OTOGL: variants seen among roughly 807,000 people sequenced by gnomAD.
OTOGL encodes the protein otogelin like.
In OTOGL, 285 loss-of-function variants were observed where a neutral mutation model predicts 318.5. The ratio of observed to expected loss-of-function variants is 0.89; its 90% CI spans 0.81 to 0.99. The LOEUF (loss-of-function observed/expected upper bound fraction) is 0.99. Among genes scored for constraint, OTOGL ranks in the 50% least tolerant of loss-of-function variants. OTOGL has a pLI of 0.00. For missense variants in OTOGL, 2,899 were observed against 2,845.6 expected (o/e 1.02, Z -0.43); for synonymous variants, 987 against 936.5 (o/e 1.05, Z -0.99).
intron 1 of OTOGL, among the ~76,000 whole-genome samples, chr12:80,192,245 T>C (rs1459267451): frequency 6.6e-5 from 10 of 152,242 alleles, no homozygotes; most frequent in Admixed American, 6.5e-4. Flanking sequence ...TCTGTTCTCA[T>C]ACACTTTGCT....
At chr12:80,195,283 G>T (rs916659742) in intron 1 of OTOGL, among the ~76,000 whole-genome samples, 20 of 152,208 alleles carry the variant, frequency 1.3e-4, no homozygotes, top group Non-Finnish European at 1.0e-4. Flanking sequence ...GCAGGGAAAA[G>T]AATGGTTAAC....
Position 80,336,895 on chromosome 12 carries a change from A to AT in OTOGL, c.4768-10dup, listed in dbSNP as rs1289397547. The AT allele has an allele frequency of 6.4e-7, 1 of 1,558,536 alleles. No individual in the cohort carries two copies. Among genetic ancestry groups the AT allele is most frequent in the Non-Finnish European group, 8.7e-7 (1 of 1,148,970 alleles). ...TTGTGTTTAACTCCGTAAAGTTTTAATTTTTTTCAAATTAAGGCTCCCTCT... is the reference window on the plus strand; with the variant it reads ...TTGTGTTTAACTCCGTAAAGTTTTAATTTTTTTTCAAATTAAGGCTCCCTCT... On this transcript the variant is annotated splice_polypyrimidine_tract_variant and intron_variant, in intron 41 of 58. Coordinates refer to ENST00000547103, the MANE Select transcript of OTOGL (RefSeq NM_001378609.3).
intron 11 of OTOGL, among the ~76,000 whole-genome samples, chr12:80,250,041 C>G (rs1479403201): frequency 1.3e-5 from 2 of 151,974 alleles, no homozygotes; most frequent in African/African-American, 2.4e-5. Flanking sequence ...GGTGCGCGCA[C>G]CCACTGACCT....
intron 1 of OTOGL, among the ~76,000 whole-genome samples, chr12:80,134,383 T>C (rs1237934887): frequency 1.3e-5 from 2 of 152,234 alleles, no homozygotes; most frequent in Admixed American, 1.3e-4. Flanking sequence ...TCTTATGGAC[T>C]TCTATAACAC....
intron 1 of OTOGL, among the ~76,000 whole-genome samples, chr12:80,116,519 T>A (rs1469922365): frequency 1.3e-5 from 2 of 152,154 alleles, no homozygotes; most frequent in Admixed American, 1.3e-4. Context: ...AGTCATCCAC[T>A]GCATTAATCT....
At chr12:80,227,641 T>G (rs1213858223) in intron 7 of OTOGL, among the ~76,000 whole-genome samples, 1 of 152,160 alleles carries the variant, frequency 6.6e-6, no homozygotes. Flanking sequence ...CCATTTTGTT[T>G]CCCGAAAGAA....
chr12:80,146,557 A>G (rs1437858228), intron 1 of OTOGL, among the ~76,000 whole-genome samples: 2 of 149,588 alleles, frequency 1.3e-5, no homozygotes, highest in African/African-American at 2.6e-5. Flanking sequence ...TGGTATCAGA[A>G]TGATGCTGGC....
At chr12:80,329,222 C>CCATTCCTG in intron 37 of OTOGL, 103 bp downstream of exon 37, 1 of 889,558 alleles carries the variant, frequency 1.1e-6, no homozygotes, top group South Asian at 2.4e-5. Flanking sequence ...ATTAATACTA[C>CCATTCCTG]CTATGGGCTA....
At chr12:80,124,023 G>A (rs1465015279) in intron 1 of OTOGL, among the ~76,000 whole-genome samples, 4 of 152,102 alleles carry the variant, frequency 2.6e-5, no homozygotes, top group Non-Finnish European at 5.9e-5. Flanking sequence ...CTTTCGCTGT[G>A]CAGAAGCTAT....
intron 44 of OTOGL, among the ~76,000 whole-genome samples, chr12:80,346,724 G>T (rs563975532): frequency 6.6e-6 from 1 of 152,064 alleles, no homozygotes; most frequent in Admixed American, 6.6e-5. Flanking sequence ...AATGATGATG[G>T]ATTCTGCTGG....
At chr12:80,149,734 G>T (rs536592657) in intron 1 of OTOGL, among the ~76,000 whole-genome samples, 153 of 152,300 alleles carry the variant, frequency 1.0e-3, no homozygotes, top group African/African-American at 2.5e-3. Flanking sequence ...CATGGGCGTA[G>T]GACCCTCCAA....
chr12:80,336,722 A>G (rs1888430976), intron 40 of OTOGL, 75 bp from the exon 41 acceptor site: 1 of 1,424,002 alleles, frequency 7.0e-7, no homozygotes, highest in Admixed American at 2.2e-5. Context: ...CAATCTATTT[A>G]GAGGCATATA....
chr12:80,285,499 T>C (rs991913192), intron 26 of OTOGL, among the ~76,000 whole-genome samples: 7 of 152,096 alleles, frequency 4.6e-5, no homozygotes, highest in African/African-American at 1.2e-4. Context: ...ATTGATTCAC[T>C]GTATCTGTGA....
rs577803717 is a variant in OTOGL, at chr12:80,151,948, A to G, written c.-20+52343A>G. Among the ~76,000 whole-genome samples the G allele has an allele frequency of 3.0e-4, 45 of 152,306 alleles. No individual in the cohort carries two copies. The South Asian group carries it at 9.3e-3, about 32-fold the overall frequency. On this transcript the variant is annotated intron_variant, in intron 1 of 58. Transcript: ENST00000547103. ...TTTACAGGTATTATCAGTTGGTGGT[A>G]TTTATTTTTACCATTATTGTTTTTC... is the stretch of plus-strand genomic sequence containing the variant.
intron 11 of OTOGL, among the ~76,000 whole-genome samples, chr12:80,247,185 T>C (rs1314069050): frequency 6.7e-6 from 1 of 148,356 alleles, no homozygotes; most frequent in Non-Finnish European, 1.5e-5. Context: ...CTGATTTTAG[T>C]TATTTCTTGC....
chr12:80,275,545 G>A (rs1404987465), intron 24 of OTOGL, among the ~76,000 whole-genome samples: 2 of 151,876 alleles, frequency 1.3e-5, no homozygotes, highest in Non-Finnish European at 2.9e-5. Context: ...TTAGAATATT[G>A]CATAAACTTA....
intron 1 of OTOGL, among the ~76,000 whole-genome samples, chr12:80,122,302 G>T (rs775514972): frequency 6.6e-6 from 1 of 152,076 alleles, no homozygotes; most frequent in Non-Finnish European, 1.5e-5. Context: ...ATAATTTTAA[G>T]TGTCCCTGTG....
At chr12:80,265,231 A>G in intron 20 of OTOGL, 21 bp downstream of exon 20, 1 of 1,594,810 alleles carries the variant, frequency 6.3e-7, no homozygotes, top group South Asian at 1.1e-5. Context: ...TGGCACAGAT[A>G]AAGACTATCA....
Position 80,146,801 on chromosome 12 carries a change from C to G in OTOGL, c.-20+47196C>G, listed in dbSNP as rs923356778. Among the ~76,000 whole-genome samples, 37 of 150,848 alleles carry G rather than the reference C, an allele frequency of 2.5e-4. No individual in the cohort carries two copies. The South Asian group carries it at 6.9e-3, about 28-fold the overall frequency. ...TTTAGTCTTGGGAGAGTGTATGTGT[C>G]GAGGAATTTATCCATTTCTTCTAGA... On this transcript the variant is annotated intron_variant, in intron 1 of 58. Coordinates refer to ENST00000547103, the MANE Select transcript of OTOGL (RefSeq NM_001378609.3).
Sources: allele counts gnomAD v4.1 joint callset (sites outside exome capture counted in the v4.1 genomes callset), GRCh38; gene constraint gnomAD v4.1.1; transcripts MANE v1.5; gene names NCBI Gene and HGNC (gene_info 2026-07-23, HGNC 2026-07-21).